The following TMED1 variants were observed in gnomAD, a reference collection of about 807,000 sequenced individuals.
TMED1 encodes transmembrane emp24 domain-containing protein 1.
A neutral mutation model predicts 21.2 loss-of-function variants in TMED1; 20 were observed. That is an observed-to-expected ratio of 0.95 (90% confidence interval 0.67 to 1.37). The LOEUF (loss-of-function observed/expected upper bound fraction) is 1.37. Among genes scored for constraint, TMED1 ranks in the 40% most tolerant of loss-of-function variants. The probability of loss-of-function intolerance (pLI) is 0.00; values close to 1 mark genes in which losing one functional copy is unlikely to be tolerated. For missense variants in TMED1, 316 were observed against 309.8 expected, an observed-to-expected ratio of 1.02 and a Z score of -0.15; for synonymous variants, 149 against 134.7, an observed-to-expected ratio of 1.11 and a Z score of -0.74.
chr19:10,833,182 T>G lies in TMED1; in HGVS notation c.497A>C (p.Glu166Ala). ...TAGCGTGAGCATCTGGATGCTGCGC[T>G]CCAGCCGGGTCCGCATGGTCTCAAT... ...ESIETMRTRLERSIQMLTLLR... is the reference protein window; with the variant it reads ...ESIETMRTRLARSIQMLTLLR... The change falls in exon 4 of 4, where the codon GAG becomes GCG. Residue 166 changes from glutamate (E) to alanine (A), a missense_variant. Glu to Ala is a moderately radical substitution (Grantham distance 107, BLOSUM62 -1). Transcript: ENST00000214869. 6.2e-7 allele frequency: 1 copy of G among 1,613,502 alleles called. No individual in the cohort carries two copies. Among genetic ancestry groups the G allele is most frequent in the Non-Finnish European group, 8.5e-7 (1 of 1,179,968 alleles).
chr19:10,835,838 T>G, intron 1 of TMED1, 171 bp downstream of exon 1: 1 of 976,344 alleles, frequency 1.0e-6, no homozygotes, highest in Non-Finnish European at 1.2e-6. Flanking sequence ...CTCCCTCCCC[T>G]TCCGCTCCCA....
At position 10,833,189 on chromosome 19, in the gene TMED1, G is replaced by C. The variant is rs781226358; in HGVS notation, c.490C>G (p.Arg164Gly). The stretch of plus-strand genomic sequence containing the variant: ...AGCATCTGGATGCTGCGCTCCAGCC[G>C]GGTCCGCATGGTCTCAATGGACTCC... Reference protein sequence around the residue: ...IKESIETMRTRLERSIQMLTL... With the variant: ...IKESIETMRTGLERSIQMLTL... Residue 164 changes from arginine to glycine, a missense_variant, in exon 4 of 4, where the codon CGG becomes GGG. Coordinates refer to ENST00000214869, the MANE Select transcript of TMED1 (RefSeq NM_006858.4). 9 of 1,613,294 alleles carry C rather than the reference G, an allele frequency of 5.6e-6. No homozygotes were observed. Among genetic ancestry groups the C allele is most frequent in the African/African-American group, 1.3e-5 (1 of 74,906 alleles).
At position 10,832,893 on chromosome 19, in the gene TMED1, C is replaced by T. The variant is rs1317934841; in HGVS notation, c.*102G>A. The T allele has an allele frequency of 2.2e-6, 3 of 1,357,288 alleles. No homozygotes were observed. Among genetic ancestry groups the T allele is most frequent in the South Asian group, 1.3e-5 (1 of 76,358 alleles). 84.1% of individuals were successfully genotyped at this position (1,357,288 alleles called of 1,614,324 possible). A position where few individuals can be genotyped will look rare whatever the true frequency, so the allele number is the denominator to read the frequency against. On this transcript the variant is annotated 3_prime_UTR_variant, in exon 4 of 4. Transcript: ENST00000214869. ...AGACCGCAGGCCCTGACTGCACACTCCCGTTTTGGCAGGAAACTAAAATTG... is the reference window on the plus strand; with the variant it reads ...AGACCGCAGGCCCTGACTGCACACTTCCGTTTTGGCAGGAAACTAAAATTG...
At chr19:10,835,435 TG>T in intron 1 of TMED1, 82 bp from the exon 2 acceptor site, 1 of 1,582,316 alleles carries the variant, frequency 6.3e-7, no homozygotes, top group East Asian at 2.3e-5. Context: ...GAACCAACAC[TG>T]ATCAATACAG....
chr19:10,832,734 C>T lies in TMED1; in HGVS notation c.*261G>A, dbSNP rs1379132433. ...TTTACAGTAGAGGGGCCAGGAAATCCGAGGCTCACGTTCCAACGCTGCAGT... is the reference window on the plus strand; with the variant it reads ...TTTACAGTAGAGGGGCCAGGAAATCTGAGGCTCACGTTCCAACGCTGCAGT... On this transcript the variant is annotated 3_prime_UTR_variant, in exon 4 of 4. Coordinates refer to ENST00000214869, the MANE Select transcript of TMED1 (RefSeq NM_006858.4). The T allele has an allele frequency of 1.3e-5, 8 of 597,678 alleles. No individual in the cohort carries two copies. The highest frequency in any genetic ancestry group is 8.3e-5 in the East Asian group (3 of 36,172). 37.0% of individuals were successfully genotyped at this position (597,678 alleles called of 1,614,324 possible). A position where few individuals can be genotyped will look rare whatever the true frequency, so the allele number is the denominator to read the frequency against.
chr19:10,833,260 AGG>A, intron 3 of TMED1, 47 bp from the exon 4 acceptor site: 1 of 1,537,940 alleles, frequency 6.5e-7, no homozygotes, highest in African/African-American at 1.4e-5. Flanking sequence ...TCCACCCATC[AGG>A]GAGCAGAGAC....
At chr19:10,835,611 G>A in intron 1 of TMED1, 1 of 1,410,598 alleles carries the variant, frequency 7.1e-7, no homozygotes, top group Non-Finnish European at 9.2e-7. Flanking sequence ...ACCTGACCAC[G>A]CCCCTGGTTG....
At position 10,832,925 on chromosome 19, in the gene TMED1, G is replaced by T. The variant is rs770336947; in HGVS notation, c.*70C>A. ...TGGCAGGAAACTAAAATTGGGGAGG[G>T]ACCCCCAAGTCTCATATGCACACAC... On this transcript the variant is annotated 3_prime_UTR_variant, in exon 4 of 4. Transcript: ENST00000214869. The T allele has an allele frequency of 7.8e-6, 12 of 1,548,150 alleles. No homozygotes were observed. The highest frequency in any genetic ancestry group is 1.4e-5 in the African/African-American group (1 of 73,896).
Position 10,832,412 on chromosome 19 carries a change from C to T in TMED1, c.*583G>A, listed in dbSNP as rs2073368744. 8.1e-7 allele frequency: 1 copy of T among 1,228,160 alleles called. No individual in the cohort carries two copies. Among genetic ancestry groups the T allele is most frequent in the Non-Finnish European group, 1.1e-6 (1 of 934,394 alleles). 76.1% of individuals were successfully genotyped at this position (1,228,160 alleles called of 1,614,324 possible). The stretch of plus-strand genomic sequence containing the variant: ...GGGCCGGTCTGTCCTGGCTGGTGTC[C>T]CTGAGCCCCAATCAGCAGGCTCTTG... On this transcript the variant is annotated 3_prime_UTR_variant, in exon 4 of 4. Transcript: ENST00000214869.
chr19:10,835,197 G>A lies in TMED1; in HGVS notation c.281+59C>T. On this transcript the variant is annotated intron_variant, in intron 2 of 3. Transcript: ENST00000214869. ...GGGGCAGTCAGGGCGGTAACCTGAG[G>A]CCGCCTGGGAAGGGCAGGGCTGTAA... The A allele has an allele frequency of 1.9e-6, 3 of 1,612,170 alleles. No homozygotes were observed. The South Asian group carries it at 3.3e-5, about 18-fold the overall frequency.
At chr19:10,835,751 C>T in intron 1 of TMED1, 1 of 1,416,022 alleles carries the variant, frequency 7.1e-7, no homozygotes, top group Non-Finnish European at 9.2e-7. Flanking sequence ...AGAGTCCTGT[C>T]CTCTCAGAGG....
Position 10,836,041 on chromosome 19 carries a change from G to A in TMED1, c.151C>T (p.Pro51Ser). 1.9e-6 allele frequency: 3 copies of A among 1,595,734 alleles called. No homozygotes were observed. Among genetic ancestry groups the A allele is most frequent in the Non-Finnish European group, 1.7e-6 (2 of 1,171,742 alleles). ...GRKQCFYQSA[P>S]ANASLETEYQ... ...TCGGTCTCGAGGCTTGCGTTGGCCG[G>A]CGCGGACTGGTAGAAACACTGCTTC... Residue 51 changes from proline (P) to serine (S), a missense_variant, in exon 1 of 4, where the codon CCG becomes TCG. Transcript: ENST00000214869.
chr19:10,832,889 C>T lies in TMED1; in HGVS notation c.*106G>A, dbSNP rs908372001. ...GGCCAGACCGCAGGCCCTGACTGCA[C>T]ACTCCCGTTTTGGCAGGAAACTAAA... On this transcript the variant is annotated 3_prime_UTR_variant, in exon 4 of 4. Coordinates refer to ENST00000214869, the MANE Select transcript of TMED1 (RefSeq NM_006858.4). 5.3e-6 allele frequency: 7 copies of T among 1,314,288 alleles called. No individual in the cohort carries two copies. Among genetic ancestry groups the T allele is most frequent in the Non-Finnish European group, 7.4e-6 (7 of 951,508 alleles). 81.4% of individuals were successfully genotyped at this position (1,314,288 alleles called of 1,614,324 possible).
chr19:10,836,089 T>A lies in TMED1; in HGVS notation c.103A>T (p.Thr35Ser). ...GPPPIQDGEF[T>S]FLLPAGRKQC... is the part of the protein sequence containing the mutation. ...TTCCTCCCCGCCGGCAACAGGAACG[T>A]GAACTCACCGTCCTGGATTGGCGGG... Residue 35 changes from threonine to serine, a missense_variant, in exon 1 of 4, where the codon ACG (threonine) becomes TCG (serine). Thr to Ser is a moderately conservative substitution (Grantham distance 58). Coordinates refer to ENST00000214869, the MANE Select transcript of TMED1 (RefSeq NM_006858.4). 1 of 1,595,290 alleles carries A rather than the reference T, an allele frequency of 6.3e-7. No homozygotes were observed. Among genetic ancestry groups the A allele is most frequent in the Non-Finnish European group, 8.5e-7 (1 of 1,171,956 alleles).
Position 10,832,258 on chromosome 19 carries a change from C to G in TMED1, c.*737G>C, listed in dbSNP as rs1467844474. 7.0e-6 allele frequency: 9 copies of G among 1,288,016 alleles called. No individual in the cohort carries two copies. The highest frequency in any genetic ancestry group is 3.7e-5 in the South Asian group (3 of 80,982). 79.8% of individuals were successfully genotyped at this position (1,288,016 alleles called of 1,614,324 possible). A position where few individuals can be genotyped will look rare whatever the true frequency, so the allele number is the denominator to read the frequency against. The stretch of plus-strand genomic sequence containing the variant: ...GGGAAGCCCAAGCCTCGTGGCCCAA[C>G]TGGGGCTCAGTTAAACTTTGCTTTC... On this transcript the variant is annotated 3_prime_UTR_variant, in exon 4 of 4. Coordinates refer to ENST00000214869, the MANE Select transcript of TMED1 (RefSeq NM_006858.4).
In TMED1 at chr19:10,835,850, A is replaced by G. The variant is rs1599649774; in HGVS notation, c.183+159T>C. The G allele has an allele frequency of 7.2e-6, 7 of 966,900 alleles. 1 individual carries two copies. The African/African-American group carries it at 7.6e-5, about 10-fold the overall frequency. 59.9% of individuals were successfully genotyped at this position (966,900 alleles called of 1,614,324 possible). A position where few individuals can be genotyped will look rare whatever the true frequency, so the allele number is the denominator to read the frequency against. The stretch of plus-strand genomic sequence containing the variant: ...TTACTCCCTCCCCTTCCGCTCCCAC[A>G]CACCGTCCCCGCCCCATCTGTCCAT... On this transcript the variant is annotated intron_variant, in intron 1 of 3. Transcript: ENST00000214869.
In TMED1 at chr19:10,832,401, T is replaced by TG; in HGVS notation, c.*593dup. 7.9e-7 allele frequency: 1 copy of TG among 1,269,158 alleles called. No homozygotes were observed. The highest frequency in any genetic ancestry group is 1.0e-6 in the Non-Finnish European group (1 of 970,564). 78.6% of individuals were successfully genotyped at this position (1,269,158 alleles called of 1,614,324 possible). On this transcript the variant is annotated 3_prime_UTR_variant, in exon 4 of 4. Transcript: ENST00000214869. ...TGCCCCCTCGGGGGCCGGTCTGTCCTGGCTGGTGTCCCTGAGCCCCAATCA... is the reference window on the plus strand; with the variant it reads ...TGCCCCCTCGGGGGCCGGTCTGTCCTGGGCTGGTGTCCCTGAGCCCCAATCA...
chr19:10,835,300 G>A lies in TMED1; in HGVS notation c.237C>T (p.Gly79=), dbSNP rs760730941. ...TGCGGGACTCGCTGACCAACAGCAC[G>A]CCCTGAGGGCTCTCCAGCGTGAAGT... is the stretch of plus-strand genomic sequence containing the variant. ...DVDFTLESPQ[G]VLLVSESRKA... is the part of the protein sequence containing the mutation. Residue 79 remains glycine (G), a synonymous_variant, in exon 2 of 4, where the codon GGC becomes GGT. Coordinates refer to ENST00000214869, the MANE Select transcript of TMED1 (RefSeq NM_006858.4). 2 of 1,613,836 alleles carry A rather than the reference G, an allele frequency of 1.2e-6. No homozygotes were observed. The highest frequency in any genetic ancestry group is 1.7e-5 in the Admixed American group (1 of 60,002).
chr19:10,835,979 C>G (rs1246363130), intron 1 of TMED1, 30 bp downstream of exon 1: 1 of 1,548,678 alleles, frequency 6.5e-7, no homozygotes, highest in Non-Finnish European at 8.7e-7. Flanking sequence ...CTCCCTGACT[C>G]TGCTGGCCGC....
Sources: gnomAD v4.1 joint callset for allele counts on GRCh38, gnomAD v4.1.1 for gene constraint, MANE v1.5 for transcripts, NCBI Gene and HGNC (gene_info 2026-07-23, HGNC 2026-07-21) for gene names.